PRR13: variants seen among roughly 807,000 people sequenced by gnomAD.
PRR13 encodes proline-rich protein 13.
Under a neutral mutation model 11.5 loss-of-function variants are expected in PRR13, and 7 were observed. The ratio of observed to expected loss-of-function variants is 0.61; its 90% CI spans 0.34 to 1.14. The LOEUF (loss-of-function observed/expected upper bound fraction) is 1.14. PRR13 is among the 50% of genes most tolerant of loss of function. The pLI is 0.03. For missense variants in PRR13, 155 were observed against 194.4 expected, an observed-to-expected ratio of 0.80 and a Z score of 1.21; for synonymous variants, 53 against 67.8, an observed-to-expected ratio of 0.78 and a Z score of 1.07.
chr12:53,446,048 G>A lies in PRR13; in HGVS notation c.436G>A (p.Asp146Asn). ...SSSSSSSSSS[D>N]SD ...CTCTTCCTCCTCCTCTTCCAGCAGT[G>A]ATTCTGACTGAATACAGGCCCTGGA... The change falls in exon 4 of 4, where the codon GAT (aspartate) becomes AAT (asparagine). Residue 146 changes from aspartate to asparagine, a missense_variant. Coordinates refer to ENST00000429243, the MANE Select transcript of PRR13 (RefSeq NM_018457.4). 6.9e-6 allele frequency: 11 copies of A among 1,604,870 alleles called. No homozygotes were observed. The highest frequency in any genetic ancestry group is 9.3e-6 in the Non-Finnish European group (11 of 1,176,510).
chr12:53,441,975 T>G (rs1286243382), intron 1 of PRR13, 183 bp downstream of exon 1: 1 of 612,196 alleles, frequency 1.6e-6, no homozygotes, highest in African/African-American at 1.9e-5. Context: ...CCTCGAGGCG[T>G]ATCCTTTTTT....
chr12:53,443,681 A>G lies in PRR13; in HGVS notation c.310A>G (p.Ile104Val), dbSNP rs757093879. The G allele has an allele frequency of 1.9e-6, 3 of 1,614,216 alleles. No homozygotes were observed. The highest frequency in any genetic ancestry group is 2.2e-5 in the South Asian group (2 of 91,086). Reference protein sequence around the residue: ...LAPGMVGPAVIVDKKMQKKMK... With the variant: ...LAPGMVGPAVVVDKKMQKKMK... ...TCCTGGCATGGTTGGACCAGCAGTG[A>G]TAGTAGACAAGAAGATGCAGAAGAA... Residue 104 changes from isoleucine to valine, a missense_variant, in exon 3 of 4, where the codon ATA becomes GTA. Coordinates refer to ENST00000429243, the MANE Select transcript of PRR13 (RefSeq NM_018457.4).
At chr12:53,444,920 A>G (rs1311204208) in intron 3 of PRR13, among the ~76,000 whole-genome samples, 2 of 152,126 alleles carry the variant, frequency 1.3e-5, no homozygotes, top group Non-Finnish European at 2.9e-5. Context: ...AAAAATAGCA[A>G]GGATAAAAGC....
rs759206836 is a variant in PRR13 at position 53,442,725 on chromosome 12, C to G, written c.11C>G (p.Pro4Arg). The G allele has an allele frequency of 6.2e-7, 1 of 1,610,980 alleles. No homozygotes were observed. The highest frequency in any genetic ancestry group is 8.5e-7 in the Non-Finnish European group (1 of 1,177,228). Residue 4 changes from proline to arginine, a missense_variant, in exon 2 of 4, where the codon CCC becomes CGC. Pro to Arg is a moderately radical substitution (Grantham distance 103). Transcript: ENST00000429243. Reference sequence around the variant, plus strand: ...AGGACACACCTAAACATGTGGAATCCCAATGCCGGTAGGTGTTTGGGGGTT... The same window carrying G: ...AGGACACACCTAAACATGTGGAATCGCAATGCCGGTAGGTGTTTGGGGGTT... Reference protein sequence around the residue: MWNPNAGQPGPNPY... With the variant: MWNRNAGQPGPNPY...
chr12:53,443,428 G>C lies in PRR13; in HGVS notation c.57G>C (p.Gly19=). Reference sequence around the variant, plus strand: ...CAAATCCATATCCCCCCAATATTGGGTGCCCTGGAGGTTCCAATCCTGCCC... The same window carrying C: ...CAAATCCATATCCCCCCAATATTGGCTGCCCTGGAGGTTCCAATCCTGCCC... ...PGPNPYPPNI[G]CPGGSNPAHP... The change falls in exon 3 of 4, where the codon GGG becomes GGC. Residue 19 remains glycine (G), a synonymous_variant. Coordinates refer to ENST00000429243, the MANE Select transcript of PRR13 (RefSeq NM_018457.4). The C allele has an allele frequency of 1.4e-6, 2 of 1,421,702 alleles. No individual in the cohort carries two copies. The highest frequency in any genetic ancestry group is 1.8e-6 in the Non-Finnish European group (2 of 1,081,412). 88.1% of individuals were successfully genotyped at this position (1,421,702 alleles called of 1,614,324 possible). A position where few individuals can be genotyped will look rare whatever the true frequency, so the allele number is the denominator to read the frequency against.
intron 2 of PRR13, chr12:53,442,943 G>C (rs928210392): frequency 2.2e-6 from 1 of 450,868 alleles, no homozygotes; most frequent in East Asian, 3.7e-5. Context: ...TGCAACCTCC[G>C]CCTCCTGGGT....
chr12:53,445,789 A>G (rs1940389255), intron 3 of PRR13, among the ~76,000 whole-genome samples: 1 of 152,196 alleles, frequency 6.6e-6, no homozygotes. Flanking sequence ...AATTTTTTAA[A>G]TTCCGTGTGA....
rs554631757 is a variant in PRR13 at position 53,445,589 on chromosome 12, GTCTTT to G, written c.403-421_403-417del. On this transcript the variant is annotated intron_variant, in intron 3 of 3. Coordinates refer to ENST00000429243, the MANE Select transcript of PRR13 (RefSeq NM_018457.4). Reference sequence around the variant, plus strand: ...TGCACATACAACTGCTGTTTCTACTGTCTTTTCTTAGATTTGTAGAATCCAATTTC... The same window carrying G: ...TGCACATACAACTGCTGTTTCTACTGTCTTAGATTTGTAGAATCCAATTTC... Among the ~76,000 whole-genome samples, 303 of 152,236 alleles carry G rather than the reference GTCTTT, an allele frequency of 2.0e-3. 2 individuals are homozygous for G. The highest frequency in any genetic ancestry group is 6.8e-3 in the Middle Eastern group (2 of 294).
chr12:53,444,888 C>T (rs1424748293), intron 3 of PRR13, among the ~76,000 whole-genome samples: 1 of 151,974 alleles, frequency 6.6e-6, no homozygotes, highest in Admixed American at 6.6e-5. Flanking sequence ...ACAGATAAGA[C>T]TCCATCTCAA....
Position 53,443,792 on chromosome 12 carries a change from C to A in PRR13, c.402+19C>A. ...TGGCAAGGTCAGTACCCTCTGGAGA[C>A]TGGCTAGGGAAGGAGTCCCCCCTCA... is the stretch of plus-strand genomic sequence containing the variant. On this transcript the variant is annotated intron_variant, in intron 3 of 3. Transcript: ENST00000429243. The A allele has an allele frequency of 6.3e-7, 1 of 1,580,822 alleles. No individual in the cohort carries two copies. The highest frequency in any genetic ancestry group is 1.1e-5 in the South Asian group (1 of 87,360).
intron 3 of PRR13, among the ~76,000 whole-genome samples, chr12:53,444,586 C>G (rs1276037695): frequency 6.6e-6 from 1 of 152,234 alleles, no homozygotes; most frequent in Non-Finnish European, 1.5e-5. Context: ...GCCTTGGCCT[C>G]CCAAAGTGCT....
chr12:53,444,076 G>C (rs1374664018), intron 3 of PRR13: 1 of 454,998 alleles, frequency 2.2e-6, no homozygotes, highest in African/African-American at 2.0e-5. Flanking sequence ...CTCCCGCCAG[G>C]TGCATATTCT....
At chr12:53,443,948 T>C (rs1235352361) in intron 3 of PRR13, 175 bp downstream of exon 3, 1 of 835,304 alleles carries the variant, frequency 1.2e-6, no homozygotes, top group East Asian at 2.7e-5. Flanking sequence ...AATCTGATTA[T>C]CTTGAAAATA....
chr12:53,443,001 C>T (rs566561030), intron 2 of PRR13: 24 of 392,514 alleles, frequency 6.1e-5, no homozygotes, highest in African/African-American at 4.2e-4. Context: ...AGATTACAGA[C>T]GCATGCTATC....
chr12:53,443,024 T>G, intron 2 of PRR13: 1 of 381,240 alleles, frequency 2.6e-6, no homozygotes, highest in Non-Finnish European at 4.7e-6. Context: ...GCCCGGCTAC[T>G]TTTTGTATTT....
chr12:53,445,972 A>C (rs371208903), intron 3 of PRR13, 43 bp from the exon 4 acceptor site: 83 of 1,608,182 alleles, frequency 5.2e-5, no homozygotes, highest in Admixed American at 1.3e-4. Context: ...GGTCATTTGG[A>C]TCTGATGCTA....
chr12:53,443,678 G>C lies in PRR13; in HGVS notation c.307G>C (p.Val103Leu), dbSNP rs200402787. ...GGCTCCTGGCATGGTTGGACCAGCAGTGATAGTAGACAAGAAGATGCAGAA... is the reference window on the plus strand; with the variant it reads ...GGCTCCTGGCATGGTTGGACCAGCACTGATAGTAGACAAGAAGATGCAGAA... ...PLAPGMVGPA[V>L]IVDKKMQKKM... Residue 103 changes from valine (V) to leucine (L), a missense_variant, in exon 3 of 4, where the codon GTG (valine) becomes CTG (leucine). Transcript: ENST00000429243. 223 of 1,614,224 alleles carry C rather than the reference G, an allele frequency of 1.4e-4. No individual in the cohort carries two copies. Among genetic ancestry groups the C allele is most frequent in the Non-Finnish European group, 1.8e-4 (210 of 1,180,046 alleles).
At chr12:53,441,979 C>CT (rs1940301015) in intron 1 of PRR13, 187 bp downstream of exon 1, 7 of 610,186 alleles carry the variant, frequency 1.1e-5, no homozygotes, top group African/African-American at 1.1e-4. Context: ...GAGGCGTATC[C>CT]TTTTTTTAGC....
At chr12:53,442,192 A>G (rs1390552027) in intron 1 of PRR13, 2 of 293,852 alleles carry the variant, frequency 6.8e-6, no homozygotes, top group Non-Finnish European at 6.4e-6. Context: ...TTCCTGTGTT[A>G]GGAACCAAGT....
Sources: gnomAD v4.1 joint callset for allele counts (sites outside exome capture counted in the v4.1 genomes callset) on GRCh38, gnomAD v4.1.1 for gene constraint, MANE v1.5 for transcripts, NCBI Gene and HGNC (gene_info 2026-07-23, HGNC 2026-07-21) for gene names.